The following MLLT1 variants were observed in gnomAD, a reference collection of about 807,000 sequenced individuals.
MLLT1 encodes the protein protein ENL.
Under a neutral mutation model 55.1 loss-of-function variants are expected in MLLT1, and 11 were observed. That is an observed-to-expected ratio of 0.20 (90% CI 0.13 to 0.33). The LOEUF is 0.33. MLLT1 is among the 10% of genes least tolerant of loss of function. The pLI is 1.00. For missense variants in MLLT1, 536 were observed against 760.6 expected, an observed-to-expected ratio of 0.70 and a Z score of 3.47; for synonymous variants, 323 against 320.1, an observed-to-expected ratio of 1.01 and a Z score of -0.10.
intron 3 of MLLT1, among the ~76,000 whole-genome samples, chr19:6,245,995 T>C (rs1404453888): frequency 6.6e-6 from 1 of 151,746 alleles, no homozygotes. Flanking sequence ...GGAGAATCGC[T>C]TGAACTCAGG....
intron 5 of MLLT1, among the ~76,000 whole-genome samples, chr19:6,225,521 C>A (rs1294383839): frequency 6.6e-6 from 1 of 152,214 alleles, no homozygotes; most frequent in Non-Finnish European, 1.5e-5. Flanking sequence ...GGGCTCGGGG[C>A]AGAGGGGCTT....
intron 10 of MLLT1, 54 bp downstream of exon 10, chr19:6,213,672 T>TCCCC: frequency 9.3e-7 from 1 of 1,075,344 alleles, no homozygotes; most frequent in East Asian, 2.4e-5. Context: ...TGGCTGCAAC[T>TCCCC]CCCACCACCC....
chr19:6,214,858 G>A (rs1321473042), intron 8 of MLLT1, among the ~76,000 whole-genome samples: 5 of 152,208 alleles, frequency 3.3e-5, no homozygotes, highest in East Asian at 3.9e-4. Context: ...ACTTCCCGGT[G>A]GGCAGCACAG....
rs1390924034 is a variant in MLLT1, at chr19:6,273,759, G to A, written c.13-3000C>T. 1.3e-5 allele frequency among the ~76,000 whole-genome samples: 2 copies of A among 152,212 alleles called. No individual in the cohort carries two copies. Among genetic ancestry groups the A allele is most frequent in the Non-Finnish European group, 2.9e-5 (2 of 68,042 alleles). On this transcript the variant is annotated intron_variant, in intron 1 of 11. Coordinates refer to ENST00000252674, the MANE Select transcript of MLLT1 (RefSeq NM_005934.4). This position sits in a 1 kb window ranked among gnomAD's most constrained non-coding sequence, Gnocchi z 4.3. ...GCGGGAGAACGACCCCTGCTTCTGT[G>A]GAGCTGACTCCCACACAATGACAGT...
At chr19:6,215,623 C>A (rs1230698673) in intron 8 of MLLT1, among the ~76,000 whole-genome samples, 1 of 152,324 alleles carries the variant, frequency 6.6e-6, no homozygotes, top group East Asian at 1.9e-4. Context: ...CACCTGCAGG[C>A]GTCTGTGAGG....
Position 6,270,499 on chromosome 19 carries a change from G to T in MLLT1, c.193+80C>A. 6.9e-7 allele frequency: 1 copy of T among 1,451,694 alleles called. No individual in the cohort carries two copies. 89.9% of individuals were successfully genotyped at this position (1,451,694 alleles called of 1,614,324 possible). The stretch of plus-strand genomic sequence containing the variant: ...TTGGAGGGGTCCTGCTGCTCCTGAG[G>T]GAGGGGTGGAGCCTGGCCTTGGGAG... On this transcript the variant is annotated intron_variant, in intron 2 of 11. Coordinates refer to ENST00000252674, the MANE Select transcript of MLLT1 (RefSeq NM_005934.4). The surrounding 1 kb of genome is among the most constrained non-coding windows in gnomAD (Gnocchi z 7.1).
At chr19:6,232,557 C>A (rs906639109) in intron 3 of MLLT1, among the ~76,000 whole-genome samples, 1 of 152,216 alleles carries the variant, frequency 6.6e-6, no homozygotes, top group Non-Finnish European at 1.5e-5. Flanking sequence ...ACCAAAAGCA[C>A]AGGCAACTAA....
At chr19:6,225,625 C>T (rs915155924) in intron 5 of MLLT1, among the ~76,000 whole-genome samples, 17 of 152,234 alleles carry the variant, frequency 1.1e-4, no homozygotes, top group African/African-American at 4.1e-4. Context: ...CACCCGGTAG[C>T]TGGAGAAGCC....
At chr19:6,275,594 G>A (rs1431612166) in intron 1 of MLLT1, among the ~76,000 whole-genome samples, 4 of 152,206 alleles carry the variant, frequency 2.6e-5, no homozygotes, top group Non-Finnish European at 5.9e-5. Flanking sequence ...CACCCAGAAG[G>A]CAGGGGCCTC....
chr19:6,220,358 C>A (rs563370035), intron 6 of MLLT1, among the ~76,000 whole-genome samples: 1 of 152,254 alleles, frequency 6.6e-6, no homozygotes, highest in Non-Finnish European at 1.5e-5. Context: ...GTCTCACTCC[C>A]GCACAGACCT....
Position 6,212,468 on chromosome 19 carries a change from A to C in MLLT1, c.*574T>G. 5.6e-6 allele frequency: 6 copies of C among 1,066,272 alleles called. No homozygotes were observed. Among genetic ancestry groups the C allele is most frequent in the Non-Finnish European group, 6.8e-6 (6 of 879,988 alleles). The allele number at this position is 1,066,272 out of a possible 1,614,324, so 66.1% of individuals were successfully genotyped here. Reference sequence around the variant, plus strand: ...GAAACGCACATGGACACTGCTCTTGACCAGACAGTGCACACACATATATAA... The same window carrying C: ...GAAACGCACATGGACACTGCTCTTGCCCAGACAGTGCACACACATATATAA... On this transcript the variant is annotated 3_prime_UTR_variant, in exon 12 of 12. Coordinates refer to ENST00000252674, the MANE Select transcript of MLLT1 (RefSeq NM_005934.4).
intron 1 of MLLT1, among the ~76,000 whole-genome samples, chr19:6,271,457 C>T (rs1343443625): frequency 6.6e-6 from 1 of 152,076 alleles, no homozygotes; most frequent in Non-Finnish European, 1.5e-5. Context: ...GGTGACCGGT[C>T]CCAGGTGGAC....
chr19:6,262,444 C>G lies in MLLT1; in HGVS notation c.194-134G>C. 1.5e-6 allele frequency: 1 copy of G among 658,394 alleles called. No homozygotes were observed. Among genetic ancestry groups the G allele is most frequent in the Non-Finnish European group, 2.6e-6 (1 of 381,596 alleles). The allele number at this position is 658,394 out of a possible 1,614,324, so 40.8% of individuals were successfully genotyped here. On this transcript the variant is annotated intron_variant, in intron 2 of 11. Transcript: ENST00000252674. The surrounding 1 kb of genome is among the most constrained non-coding windows in gnomAD (Gnocchi z 4.4). Reference sequence around the variant, plus strand: ...GGCTGGCCTCTCGGGGGTGGCTTTTCAGGAGGTTAAGCCCCCGACAGGATT... The same window carrying G: ...GGCTGGCCTCTCGGGGGTGGCTTTTGAGGAGGTTAAGCCCCCGACAGGATT...
At chr19:6,260,504 A>C (rs2091295117) in intron 3 of MLLT1, among the ~76,000 whole-genome samples, 5 of 152,368 alleles carry the variant, frequency 3.3e-5, no homozygotes, top group Admixed American at 3.3e-4. Context: ...AAGGATGACA[A>C]GCAGCAAACA....
chr19:6,240,683 G>A lies in MLLT1; in HGVS notation c.277-9970C>T, dbSNP rs1176367215. Among the ~76,000 whole-genome samples the A allele has an allele frequency of 6.6e-6, 1 of 152,104 alleles. No homozygotes were observed. Among genetic ancestry groups the A allele is most frequent in the African/African-American group, 2.4e-5 (1 of 41,408 alleles). On this transcript the variant is annotated intron_variant, in intron 3 of 11. Transcript: ENST00000252674. This position sits in a 1 kb window ranked among gnomAD's most constrained non-coding sequence, Gnocchi z 4.7. ...CTGTGGGGGTGATGTCAGACGCACA[G>A]GGAGAGACTGGACCCCACACTCAGC...
In MLLT1 at chr19:6,235,070, T is replaced by C. The variant is rs899503073; in HGVS notation, c.277-4357A>G. ...AGGCCCCTTTTGAAATATTTACACA[T>C]GAAATGAGGATGTCTGGGATTTGCT... On this transcript the variant is annotated intron_variant, in intron 3 of 11. Coordinates refer to ENST00000252674, the MANE Select transcript of MLLT1 (RefSeq NM_005934.4). This position sits in a 1 kb window ranked among gnomAD's most constrained non-coding sequence, Gnocchi z 5.5. 7.2e-5 allele frequency among the ~76,000 whole-genome samples: 11 copies of C among 152,112 alleles called. No individual in the cohort carries two copies. The highest frequency in any genetic ancestry group is 2.0e-4 in the Admixed American group (3 of 15,282).
At chr19:6,275,265 C>T (rs144073494) in intron 1 of MLLT1, among the ~76,000 whole-genome samples, 224 of 152,278 alleles carry the variant, frequency 1.5e-3, no homozygotes, top group African/African-American at 5.2e-3. Flanking sequence ...CTAATTCCCT[C>T]GGAGGCAACG....
rs2090875292 is a variant in MLLT1 at position 6,219,535 on chromosome 19, C to G, written c.1111-1494G>C. 6.6e-6 allele frequency among the ~76,000 whole-genome samples: 1 copy of G among 152,202 alleles called. No homozygotes were observed. The highest frequency in any genetic ancestry group is 6.5e-5 in the Admixed American group (1 of 15,286). ...GCCTTCTAACCAGCAGGCCTTGCTA[C>G]TCAGAACAAGGCCGTCCTATGTCAG... On this transcript the variant is annotated intron_variant, in intron 6 of 11. Coordinates refer to ENST00000252674, the MANE Select transcript of MLLT1 (RefSeq NM_005934.4). This position sits in a 1 kb window ranked among gnomAD's most constrained non-coding sequence, Gnocchi z 4.5.
intron 6 of MLLT1, among the ~76,000 whole-genome samples, chr19:6,221,320 C>T (rs899133910): frequency 2.0e-5 from 3 of 152,144 alleles, no homozygotes; most frequent in African/African-American, 4.8e-5. Context: ...CAGATAATAG[C>T]GCTGGAAGAC....
Sources: allele counts gnomAD v4.1 joint callset (sites outside exome capture counted in the v4.1 genomes callset), GRCh38; gene constraint gnomAD v4.1.1; non-coding constraint Gnocchi (gnomAD v3.1); transcripts MANE v1.5; gene names NCBI Gene and HGNC (gene_info 2026-07-23, HGNC 2026-07-21).